Variants in SEMA6D observed in about 807,000 individuals in gnomAD.
SEMA6D encodes the protein semaphorin 6D.
In SEMA6D, 35 loss-of-function variants were observed where a neutral mutation model predicts 106.6. The ratio of observed to expected loss-of-function variants is 0.33; its 90% CI spans 0.25 to 0.44. SEMA6D has a LOEUF of 0.44. Among genes scored for constraint, SEMA6D ranks in the 20% least tolerant of loss-of-function variants. The probability of loss-of-function intolerance (pLI) is 1.00; values close to 1 mark genes in which losing one functional copy is unlikely to be tolerated. For missense variants in SEMA6D, 1,185 were observed against 1,345.9 expected, an observed-to-expected ratio of 0.88 and a Z score of 1.87; for synonymous variants, 499 against 487.7, an observed-to-expected ratio of 1.02 and a Z score of -0.31.
intron 3 of SEMA6D, among the ~76,000 whole-genome samples, chr15:47,543,510 A>C (rs1178249953): frequency 6.6e-6 from 1 of 152,116 alleles, no homozygotes; most frequent in East Asian, 1.9e-4. Flanking sequence ...TGGAACTGTG[A>C]GTCTATGAAA....
chr15:47,254,915 GTCCT>G, intron 1 of SEMA6D, among the ~76,000 whole-genome samples: 1 of 150,712 alleles, frequency 6.6e-6, no homozygotes, highest in African/African-American at 2.4e-5. Context: ...GTGTGTGTGT[GTCCT>G]TGTCTAGTTT....
At chr15:47,607,457 G>T (rs2076805220) in intron 4 of SEMA6D, among the ~76,000 whole-genome samples, 4 of 152,122 alleles carry the variant, frequency 2.6e-5, no homozygotes, top group Admixed American at 6.5e-5. Flanking sequence ...CTGGATCCTT[G>T]TCCCTTTCCA....
intron 1 of SEMA6D, among the ~76,000 whole-genome samples, chr15:47,308,898 A>G (rs562794709): frequency 6.9e-4 from 105 of 152,258 alleles, no homozygotes; most frequent in Non-Finnish European, 1.3e-3. Flanking sequence ...GAACATTTTT[A>G]TTTTCTTTTC....
chr15:47,617,451 T>G (rs954910788), intron 4 of SEMA6D, among the ~76,000 whole-genome samples: 12 of 152,286 alleles, frequency 7.9e-5, no homozygotes, highest in African/African-American at 2.6e-4. Context: ...CTACTATTTT[T>G]AAAAGTTGCC....
chr15:47,552,806 A>T, intron 3 of SEMA6D, among the ~76,000 whole-genome samples: 1 of 23,136 alleles, frequency 4.3e-5, no homozygotes. Context: ...ATATATATAA[A>T]AATATATATA....
intron 3 of SEMA6D, among the ~76,000 whole-genome samples, chr15:47,479,310 C>T (rs974962384): frequency 4.6e-5 from 7 of 152,090 alleles, no homozygotes; most frequent in African/African-American, 1.7e-4. Flanking sequence ...GTAGGAGCCT[C>T]CCTAATTGCC....
chr15:47,471,595 T>A (rs941103306), intron 3 of SEMA6D, among the ~76,000 whole-genome samples: 1 of 152,298 alleles, frequency 6.6e-6, no homozygotes, highest in African/African-American at 2.4e-5. Context: ...GGTCTGCACC[T>A]ACTGAAAGGT....
At chr15:47,297,568 T>G (rs1373863714) in intron 1 of SEMA6D, among the ~76,000 whole-genome samples, 1 of 152,128 alleles carries the variant, frequency 6.6e-6, no homozygotes, top group Non-Finnish European at 1.5e-5. Context: ...AATACTTAAT[T>G]CATGTTTACT....
intron 1 of SEMA6D, among the ~76,000 whole-genome samples, chr15:47,406,958 AAAC>A (rs374147364): frequency 3.6e-4 from 55 of 152,270 alleles, no homozygotes; most frequent in East Asian, 7.7e-4. Flanking sequence ...ACAAAAATAA[AAAC>A]AACAACAACA....
At chr15:47,466,750 A>T (rs936516534) in intron 2 of SEMA6D, among the ~76,000 whole-genome samples, 2 of 143,994 alleles carry the variant, frequency 1.4e-5, no homozygotes, top group African/African-American at 2.6e-5. Flanking sequence ...TTGGAAATGG[A>T]GTCTTGCTCT....
chr15:47,678,122 A>G (rs1015909833), intron 4 of SEMA6D, among the ~76,000 whole-genome samples: 4 of 152,202 alleles, frequency 2.6e-5, no homozygotes, highest in African/African-American at 9.6e-5. Flanking sequence ...CCACTGGCAG[A>G]GAGAACATAA....
At chr15:47,510,230 A>G (rs1278457157) in intron 3 of SEMA6D, among the ~76,000 whole-genome samples, 1 of 152,192 alleles carries the variant, frequency 6.6e-6, no homozygotes, top group Non-Finnish European at 1.5e-5. Context: ...CATAGGAGCA[A>G]GAATCCTATT....
rs186518685 is a variant in SEMA6D, at chr15:47,463,872, A to T, written c.-158-6602A>T. On this transcript the variant is annotated intron_variant, in intron 2 of 19. Transcript: ENST00000558014. ...TCCAGCTTCTGGTGTCTCCAGTCAT[A>T]CTTTGGCTTGTGGCTGCGTTACTCC... is the stretch of plus-strand genomic sequence containing the variant. Among the ~76,000 whole-genome samples, 150 of 152,130 alleles carry T rather than the reference A, an allele frequency of 9.9e-4. 1 individual carries two copies. The highest frequency in any genetic ancestry group is 1.7e-3 in the Non-Finnish European group (118 of 67,996).
chr15:47,750,614 G>A (rs989213528), intron 1 of SEMA6D, among the ~76,000 whole-genome samples: 13 of 152,212 alleles, frequency 8.5e-5, no homozygotes, highest in African/African-American at 2.9e-4. Flanking sequence ...TGTCAGCAGG[G>A]CTTCAGCTGT....
At chr15:47,406,125 A>G (rs2040557814) in intron 1 of SEMA6D, among the ~76,000 whole-genome samples, 1 of 152,212 alleles carries the variant, frequency 6.6e-6, no homozygotes, top group Non-Finnish European at 1.5e-5. Context: ...AAAAGGTTTG[A>G]CTGAGTGTGC....
intron 1 of SEMA6D, among the ~76,000 whole-genome samples, chr15:47,375,386 C>T (rs760320847): frequency 6.6e-6 from 1 of 152,150 alleles, no homozygotes; most frequent in African/African-American, 2.4e-5. Context: ...TTCTTTTACT[C>T]TCCCATTCCA....
intron 2 of SEMA6D, among the ~76,000 whole-genome samples, chr15:47,452,281 T>TA (rs1299348304): frequency 6.6e-6 from 1 of 151,132 alleles, no homozygotes; most frequent in African/African-American, 2.4e-5. Context: ...CTATCATCAC[T>TA]ACTTTTTCAG....
At chr15:47,347,429 C>G (rs988027581) in intron 1 of SEMA6D, among the ~76,000 whole-genome samples, 1 of 152,184 alleles carries the variant, frequency 6.6e-6, no homozygotes, top group Admixed American at 6.5e-5. Context: ...GACTATTGAT[C>G]AAAATTTCTA....
intron 3 of SEMA6D, among the ~76,000 whole-genome samples, chr15:47,565,386 G>C (rs915091046): frequency 6.6e-6 from 1 of 152,166 alleles, no homozygotes; most frequent in African/African-American, 2.4e-5. Flanking sequence ...GGGCCAGCTG[G>C]TTCCAGCACT....
Sources: allele counts gnomAD v4.1 joint callset (sites outside exome capture counted in the v4.1 genomes callset), GRCh38; gene constraint gnomAD v4.1.1; transcripts MANE v1.5; gene names NCBI Gene and HGNC (gene_info 2026-07-23, HGNC 2026-07-21).